The following NPAS3 variants were observed in gnomAD, a reference collection of about 807,000 sequenced individuals.
NPAS3 encodes the protein neuronal PAS domain protein 3.
In NPAS3, 14 loss-of-function variants were observed where a neutral mutation model predicts 73.1. That is an observed-to-expected ratio of 0.19 (90% CI 0.13 to 0.30). The LOEUF is 0.30. NPAS3 is among the 10% of genes least tolerant of loss of function. The pLI, the probability that NPAS3 is intolerant of heterozygous loss-of-function variation, is 1.00. For missense variants in NPAS3, 1,096 were observed against 1,250.0 expected, an observed-to-expected ratio of 0.88 and a Z score of 1.86; for synonymous variants, 620 against 541.5, an observed-to-expected ratio of 1.14 and a Z score of -2.01.
At chr14:33,161,062 G>A (rs2044862161) in intron 2 of NPAS3, among the ~76,000 whole-genome samples, 1 of 152,196 alleles carries the variant, frequency 6.6e-6, no homozygotes, top group Admixed American at 6.5e-5. Flanking sequence ...ATGCGTTCAT[G>A]TACTGGCTGG....
At chr14:33,455,043 T>G (rs1201141948) in intron 4 of NPAS3, among the ~76,000 whole-genome samples, 3 of 152,154 alleles carry the variant, frequency 2.0e-5, no homozygotes, top group Non-Finnish European at 4.4e-5. Context: ...AGATAAACAT[T>G]TTGTGTGCAT....
At chr14:32,985,598 T>C (rs555385754) in intron 1 of NPAS3, among the ~76,000 whole-genome samples, 3 of 152,168 alleles carry the variant, frequency 2.0e-5, no homozygotes, top group South Asian at 2.1e-4. Context: ...TTTTTCTTAA[T>C]GTATGCCAGC....
chr14:32,983,130 G>A (rs1041895728), intron 1 of NPAS3, among the ~76,000 whole-genome samples: 2 of 152,044 alleles, frequency 1.3e-5, no homozygotes, highest in African/African-American at 4.8e-5. Flanking sequence ...GTATCAAGGG[G>A]TATTTTCACC....
intron 4 of NPAS3, among the ~76,000 whole-genome samples, chr14:33,442,416 A>G (rs2139289140): frequency 9.8e-6 from 1 of 101,876 alleles, no homozygotes; most frequent in East Asian, 8.9e-4. Flanking sequence ...CTGTCTTAAA[A>G]AAAAAAAAAA....
chr14:33,704,779 G>A (rs2060613004), intron 6 of NPAS3, among the ~76,000 whole-genome samples: 1 of 152,160 alleles, frequency 6.6e-6, no homozygotes, highest in African/African-American at 2.4e-5. Context: ...CGTGCACCAA[G>A]GCTAATAACT....
In NPAS3 at chr14:33,265,095, C is replaced by T. The variant is rs1028136189; in HGVS notation, c.385+49669C>T. ...AGAATACTCTTTTCTTCTTTGGTAG[C>T]TTTCTTGAAACAAGGTCCCTCGTGT... On this transcript the variant is annotated intron_variant, in intron 3 of 11. Coordinates refer to ENST00000356141, the Ensembl canonical transcript of NPAS3. Among the ~76,000 whole-genome samples the T allele has an allele frequency of 2.0e-5, 3 of 152,210 alleles. No homozygotes were observed. In the East Asian group the frequency reaches 5.8e-4, roughly 29 times the overall value.
At chr14:33,270,255 T>G (rs865867014) in intron 3 of NPAS3, among the ~76,000 whole-genome samples, 1 of 152,010 alleles carries the variant, frequency 6.6e-6, no homozygotes, top group Non-Finnish European at 1.5e-5. Flanking sequence ...GATACAGCTG[T>G]AAACAATTGG....
chr14:33,748,766 T>A (rs977396518), intron 7 of NPAS3, among the ~76,000 whole-genome samples: 1 of 152,206 alleles, frequency 6.6e-6, no homozygotes, highest in African/African-American at 2.4e-5. Context: ...TGACAGTACC[T>A]ACCCTTGAGC....
chr14:33,788,326 G>A (rs894900505), intron 9 of NPAS3, among the ~76,000 whole-genome samples: 7 of 152,136 alleles, frequency 4.6e-5, no homozygotes, highest in Non-Finnish European at 7.4e-5. Context: ...TCCTCCTATC[G>A]CCATGACGAT....
At chr14:33,080,365 C>T (rs1465863985) in intron 2 of NPAS3, among the ~76,000 whole-genome samples, 2 of 152,198 alleles carry the variant, frequency 1.3e-5, no homozygotes, top group African/African-American at 4.8e-5. Flanking sequence ...CTCGGCCTCC[C>T]AAAGTGCTGG....
At chr14:33,659,638 C>T (rs74671029) in intron 5 of NPAS3, among the ~76,000 whole-genome samples, 3 of 151,976 alleles carry the variant, frequency 2.0e-5, no homozygotes, top group Non-Finnish European at 2.9e-5. Flanking sequence ...TACAGTCAGC[C>T]AAAGCCATTA....
intron 5 of NPAS3, among the ~76,000 whole-genome samples, chr14:33,625,657 A>G (rs866070288): frequency 2.0e-5 from 3 of 152,208 alleles, no homozygotes; most frequent in South Asian, 2.1e-4. Context: ...ATGTTGTCAA[A>G]GAGATTGATG....
chr14:33,190,025 A>G (rs1220981998), intron 2 of NPAS3, among the ~76,000 whole-genome samples: 1 of 152,052 alleles, frequency 6.6e-6, no homozygotes, highest in South Asian at 2.1e-4. Context: ...TTTAATGTGT[A>G]TATTCTTTTA....
At chr14:33,129,441 C>T (rs2043552783) in intron 2 of NPAS3, among the ~76,000 whole-genome samples, 1 of 152,118 alleles carries the variant, frequency 6.6e-6, no homozygotes, top group African/African-American at 2.4e-5. Flanking sequence ...CCATTTTCAT[C>T]ACTGGTTGAA....
chr14:33,560,429 C>A (rs2055585747), intron 5 of NPAS3: 4 of 412,746 alleles, frequency 9.7e-6, no homozygotes, highest in Admixed American at 3.9e-5. Context: ...CGCTCCCCAC[C>A]CCCCAAGGAT....
intron 4 of NPAS3, among the ~76,000 whole-genome samples, chr14:33,534,622 T>A (rs1427746227): frequency 6.6e-6 from 1 of 152,172 alleles, no homozygotes; most frequent in African/African-American, 2.4e-5. Flanking sequence ...ATATGTATAG[T>A]TGGAATCTTT....
chr14:33,422,617 C>T (rs2048401497), intron 4 of NPAS3, among the ~76,000 whole-genome samples: 1 of 151,886 alleles, frequency 6.6e-6, no homozygotes, highest in South Asian at 2.1e-4. Context: ...TTCATGAGGG[C>T]AGAGTCCCTT....
chr14:33,447,177 G>C (rs182506396), intron 4 of NPAS3, among the ~76,000 whole-genome samples: 1 of 152,368 alleles, frequency 6.6e-6, no homozygotes, highest in Non-Finnish European at 1.5e-5. Flanking sequence ...TCTTAGCTTG[G>C]TGGTAGAAGT....
intron 5 of NPAS3, among the ~76,000 whole-genome samples, chr14:33,643,375 T>TAA (rs755879056): frequency 0.032 from 3,039 of 94,432 alleles, 81 homozygotes; most frequent in African/African-American, 0.054. Context: ...AAATAAAAAT[T>TAA]AAAAAAAAAA....
Sources: allele counts gnomAD v4.1 joint callset (sites outside exome capture counted in the v4.1 genomes callset), GRCh38; gene constraint gnomAD v4.1.1; transcripts MANE v1.5; gene names NCBI Gene and HGNC (gene_info 2026-07-23, HGNC 2026-07-21).